SH3GL3: variants seen among roughly 807,000 people sequenced by gnomAD.
SH3GL3 encodes the protein SH3 domain containing GRB2 like 3, endophilin A3, also known as endophilin-A3.
Under a neutral mutation model 47.7 loss-of-function variants are expected in SH3GL3, and 33 were observed. The observed-to-expected ratio is 0.69, with a 90% CI of 0.52 to 0.92. The LOEUF (loss-of-function observed/expected upper bound fraction) is 0.92. SH3GL3 is among the 40% of genes least tolerant of loss of function. SH3GL3 has a pLI of 0.00. For synonymous variants in SH3GL3, 155 were observed against 148.8 expected (o/e 1.04, Z -0.30); for missense variants, 363 against 417.8 (o/e 0.87, Z 1.14).
At chr15:83,450,804 A>ATTTTTTTTTTTTTTTT (rs34099509) in intron 1 of SH3GL3, among the ~76,000 whole-genome samples, 1 of 58,790 alleles carries the variant, frequency 1.7e-5, no homozygotes, top group Non-Finnish European at 2.9e-5. Context: ...TTTTTTTTTA[A>ATTTTTTTTTTTTTTTT]TTTTTTTTTT....
intron 1 of SH3GL3, among the ~76,000 whole-genome samples, chr15:83,513,483 C>T (rs780102426): frequency 2.0e-5 from 3 of 152,172 alleles, no homozygotes; most frequent in South Asian, 2.1e-4. Flanking sequence ...TGTGGTGCCT[C>T]GGCTCAGGCT....
intron 5 of SH3GL3, 94 bp downstream of exon 5, chr15:83,572,792 T>C (rs1225918320): frequency 2.3e-6 from 2 of 887,986 alleles, no homozygotes; most frequent in Admixed American, 5.1e-5. Context: ...GAAAGCATCA[T>C]CTTATGATGC....
chr15:83,633,552 C>T, the SH3GL3 span, among the ~76,000 whole-genome samples: 1 of 152,154 alleles, frequency 6.6e-6, no homozygotes, highest in Admixed American at 6.5e-5. Flanking sequence ...ATGAAACTCT[C>T]TCCCACCTGG....
chr15:83,474,260 T>C (rs1224275005), intron 1 of SH3GL3, among the ~76,000 whole-genome samples: 1 of 152,170 alleles, frequency 6.6e-6, no homozygotes, highest in Non-Finnish European at 1.5e-5. Context: ...AATTATATGC[T>C]AAATGTCGAA....
At chr15:83,500,146 CA>C (rs1325761611) in intron 1 of SH3GL3, among the ~76,000 whole-genome samples, 14 of 152,108 alleles carry the variant, frequency 9.2e-5, no homozygotes, top group Non-Finnish European at 2.1e-4. Flanking sequence ...AATCTCCAGT[CA>C]GTAACATGGA....
chr15:83,590,246 G>T (rs2060059823), intron 8 of SH3GL3, among the ~76,000 whole-genome samples: 1 of 151,958 alleles, frequency 6.6e-6, no homozygotes, highest in Non-Finnish European at 1.5e-5. Flanking sequence ...TTTTGCTGTT[G>T]TTTGCTTTGT....
Position 83,537,335 on chromosome 15 carries a change from G to C in SH3GL3, c.46-21918G>C, listed in dbSNP as rs143375462. Among the ~76,000 whole-genome samples, 320 of 152,328 alleles carry C rather than the reference G, an allele frequency of 2.1e-3. 2 individuals are homozygous for C. The highest frequency in any genetic ancestry group is 7.4e-3 in the African/African-American group (309 of 41,562). On this transcript the variant is annotated intron_variant, in intron 1 of 8. Coordinates refer to ENST00000427482, the MANE Select transcript of SH3GL3 (RefSeq NM_003027.5). ...CTTCAGCCTGGGGACAAATGCCCCAGTTGCCTGTTGCTTAGTTGATAATAT... is the reference window on the plus strand; with the variant it reads ...CTTCAGCCTGGGGACAAATGCCCCACTTGCCTGTTGCTTAGTTGATAATAT...
downstream of SH3GL3, among the ~76,000 whole-genome samples, chr15:83,619,963 A>C (rs550641867): frequency 6.6e-6 from 1 of 152,346 alleles, no homozygotes; most frequent in Admixed American, 6.5e-5. Context: ...AGTTTATGTA[A>C]TATTCTAAAT....
At chr15:83,584,485 G>A (rs1241674771) in intron 6 of SH3GL3, among the ~76,000 whole-genome samples, 3 of 152,120 alleles carry the variant, frequency 2.0e-5, no homozygotes, top group African/African-American at 7.2e-5. Context: ...GCCCCCTCTG[G>A]TTTTATGGTT....
intron 1 of SH3GL3, among the ~76,000 whole-genome samples, chr15:83,498,453 T>G (rs1833249920): frequency 6.6e-6 from 1 of 152,204 alleles, no homozygotes; most frequent in African/African-American, 2.4e-5. Flanking sequence ...GGGCTCAATA[T>G]GTAGTAACTT....
In SH3GL3 at chr15:83,500,799, C is replaced by A. The variant is rs866974303; in HGVS notation, c.45+53221C>A. Among the ~76,000 whole-genome samples the A allele has an allele frequency of 3.9e-5, 6 of 152,210 alleles. No homozygotes were observed. In the South Asian group the frequency reaches 6.2e-4, roughly 16 times the overall value. ...GTGGCCTGGAGTGTTTTGAAGGTGG[C>A]TGGTGCAGTTACACCCTTTATCCCA... On this transcript the variant is annotated intron_variant, in intron 1 of 8. Coordinates refer to ENST00000427482, the MANE Select transcript of SH3GL3 (RefSeq NM_003027.5).
At chr15:83,473,531 A>C (rs1312446592) in intron 1 of SH3GL3, among the ~76,000 whole-genome samples, 2 of 150,012 alleles carry the variant, frequency 1.3e-5, no homozygotes, top group African/African-American at 4.9e-5. Flanking sequence ...TTGGCTAGAG[A>C]GAGCAGACAT....
intron 1 of SH3GL3, among the ~76,000 whole-genome samples, chr15:83,522,379 C>T (rs2043244146): frequency 1.3e-5 from 2 of 152,180 alleles, no homozygotes; most frequent in Admixed American, 1.3e-4. Flanking sequence ...GAGTTTAAAA[C>T]CCAGATACCA....
chr15:83,546,872 T>C (rs192676364), intron 1 of SH3GL3, among the ~76,000 whole-genome samples: 6 of 152,320 alleles, frequency 3.9e-5, no homozygotes, highest in African/African-American at 1.4e-4. Flanking sequence ...ATGGGGTCTT[T>C]AGGACTTTGC....
chr15:83,449,134 C>T (rs1211754645), intron 1 of SH3GL3, among the ~76,000 whole-genome samples: 6 of 152,122 alleles, frequency 3.9e-5, no homozygotes, highest in Admixed American at 3.9e-4. Context: ...TAGACAGCAC[C>T]CCCATTTAGG....
chr15:83,469,558 T>G (rs911537947), intron 1 of SH3GL3, among the ~76,000 whole-genome samples: 1 of 152,230 alleles, frequency 6.6e-6, no homozygotes, highest in African/African-American at 2.4e-5. Context: ...TTGACTTCCC[T>G]TCAGACTTTT....
chr15:83,572,436 A>G, intron 4 of SH3GL3, 129 bp from the exon 5 acceptor site: 1 of 692,110 alleles, frequency 1.4e-6, no homozygotes, highest in Non-Finnish European at 2.4e-6. Flanking sequence ...TCCAGGATTC[A>G]GAGGTCCCGG....
At chr15:83,596,541 G>A (rs2060241737) in intron 8 of SH3GL3, among the ~76,000 whole-genome samples, 1 of 152,170 alleles carries the variant, frequency 6.6e-6, no homozygotes, top group African/African-American at 2.4e-5. Context: ...AGTATGGGAA[G>A]TTGGCTACAT....
intron 1 of SH3GL3, among the ~76,000 whole-genome samples, chr15:83,544,668 T>C (rs1364420088): frequency 1.3e-5 from 2 of 152,106 alleles, no homozygotes; most frequent in African/African-American, 4.8e-5. Context: ...ATTAGCATGG[T>C]GAGTATTAGG....
Sources: gnomAD v4.1 joint callset for allele counts (sites outside exome capture counted in the v4.1 genomes callset) on GRCh38, gnomAD v4.1.1 for gene constraint, MANE v1.5 for transcripts, NCBI Gene and HGNC (gene_info 2026-07-23, HGNC 2026-07-21) for gene names.